Variants in PRUNE2 observed in about 807,000 individuals in gnomAD.
PRUNE2 encodes protein prune homolog 2.
A neutral mutation model predicts 252.0 loss-of-function variants in PRUNE2; 164 were observed. That is an observed-to-expected ratio of 0.65 (90% CI 0.57 to 0.74). The LOEUF (loss-of-function observed/expected upper bound fraction) is 0.74. PRUNE2 is among the 30% of genes least tolerant of loss of function. The probability of loss-of-function intolerance (pLI) is 0.00; values close to 1 mark genes in which losing one functional copy is unlikely to be tolerated. For missense variants in PRUNE2, 3,495 were observed against 3,711.0 expected (o/e 0.94, Z 1.51); for synonymous variants, 1,292 against 1,350.2 (o/e 0.96, Z 0.94).
chr9:76,755,992 C>T (rs1462980592), intron 6 of PRUNE2, among the ~76,000 whole-genome samples: 1 of 152,170 alleles, frequency 6.6e-6, no homozygotes, highest in Admixed American at 6.5e-5. Context: ...CGTGAGCCAC[C>T]GCGCCTGGCC....
At chr9:76,778,012 G>A (rs1310859157) in intron 6 of PRUNE2, among the ~76,000 whole-genome samples, 1 of 152,176 alleles carries the variant, frequency 6.6e-6, no homozygotes, top group African/African-American at 2.4e-5. Flanking sequence ...CAGTAGGTGA[G>A]GTTAGAGGGG....
intron 6 of PRUNE2, among the ~76,000 whole-genome samples, chr9:76,813,811 T>C (rs1474038990): frequency 2.6e-5 from 4 of 152,182 alleles, no homozygotes; most frequent in African/African-American, 7.2e-5. Flanking sequence ...GTGTATATCA[T>C]ATATATCCTT....
intron 6 of PRUNE2, among the ~76,000 whole-genome samples, chr9:76,734,883 C>A (rs538868113): frequency 1.3e-5 from 2 of 152,210 alleles, no homozygotes; most frequent in Admixed American, 6.5e-5. Context: ...CTCTGAGACA[C>A]GGAGATCTAG....
intron 6 of PRUNE2, among the ~76,000 whole-genome samples, chr9:76,819,870 T>C (rs2057933391): frequency 6.6e-6 from 1 of 152,206 alleles, no homozygotes; most frequent in Non-Finnish European, 1.5e-5. Context: ...ACTGCTTTAC[T>C]AGGGAGTAAA....
intron 9 of PRUNE2, among the ~76,000 whole-genome samples, chr9:76,682,367 T>TC (rs904748112): frequency 3.3e-5 from 5 of 149,902 alleles, no homozygotes; most frequent in African/African-American, 4.9e-5. Flanking sequence ...ATTAACTTTT[T>TC]TTTTTTTTTT....
intron 10 of PRUNE2, among the ~76,000 whole-genome samples, chr9:76,653,358 T>C (rs373880262): frequency 1.2e-3 from 183 of 152,226 alleles, no homozygotes; most frequent in Middle Eastern, 0.01. Flanking sequence ...TATAAAATGG[T>C]GTAGTGTTGA....
intron 6 of PRUNE2, among the ~76,000 whole-genome samples, chr9:76,736,288 A>T (rs2049067716): frequency 6.6e-6 from 1 of 152,204 alleles, no homozygotes; most frequent in South Asian, 2.1e-4. Context: ...AAGTAAAATC[A>T]GGCACAATGT....
At chr9:76,720,800 G>C (rs1321195162) in intron 6 of PRUNE2, among the ~76,000 whole-genome samples, 2 of 152,144 alleles carry the variant, frequency 1.3e-5, no homozygotes, top group East Asian at 3.8e-4. Context: ...AAAATTCTTA[G>C]ATGTGAGATG....
intron 9 of PRUNE2, among the ~76,000 whole-genome samples, chr9:76,661,861 T>G (rs931893462): frequency 6.6e-6 from 1 of 151,714 alleles, no homozygotes; most frequent in East Asian, 1.9e-4. Flanking sequence ...AGATCTGCAG[T>G]CAATAAAAAC....
chr9:76,780,435 C>A (rs576629509), intron 6 of PRUNE2, among the ~76,000 whole-genome samples: 4 of 152,116 alleles, frequency 2.6e-5, no homozygotes, highest in Non-Finnish European at 4.4e-5. Context: ...CGCCTGTAAT[C>A]CCAGCACTTT....
At chr9:76,865,470 A>G (rs1040248023) in intron 1 of PRUNE2, among the ~76,000 whole-genome samples, 2 of 152,244 alleles carry the variant, frequency 1.3e-5, no homozygotes, top group African/African-American at 4.8e-5. Context: ...TGTACAATGA[A>G]CAAGGGTTGG....
chr9:76,615,622 A>G (rs1829085166), intron 18 of PRUNE2, among the ~76,000 whole-genome samples: 1 of 152,196 alleles, frequency 6.6e-6, no homozygotes. Flanking sequence ...TATCTGTAAA[A>G]TGGAACGGTC....
rs546181752 is a variant in PRUNE2, at chr9:76,887,194, C to G, written c.36+18734G>C. 2.0e-5 allele frequency among the ~76,000 whole-genome samples: 3 copies of G among 152,270 alleles called. No individual in the cohort carries two copies. In the East Asian group the frequency reaches 5.8e-4, roughly 29 times the overall value. The stretch of plus-strand genomic sequence containing the variant: ...TCACCTAGCTTCCCCAAACTCCTAA[C>G]TTGGGACATAGATGCAGCCTGAAGT... On this transcript the variant is annotated intron_variant, in intron 1 of 18. Coordinates refer to ENST00000376718, the MANE Select transcript of PRUNE2 (RefSeq NM_015225.3).
At chr9:76,717,202 C>T (rs1308184535) in intron 6 of PRUNE2, among the ~76,000 whole-genome samples, 3 of 152,170 alleles carry the variant, frequency 2.0e-5, no homozygotes, top group Non-Finnish European at 4.4e-5. Flanking sequence ...AAGCCAGATT[C>T]GATCTTACTG....
Position 76,906,084 on chromosome 9 carries a change from C to A in PRUNE2, c.-121G>T. ...CCGGGGCGCAGCGACCGACTGCTCCCTCCTGCCGCTCTGAGGCGGCTGCGG... is the reference window on the plus strand; with the variant it reads ...CCGGGGCGCAGCGACCGACTGCTCCATCCTGCCGCTCTGAGGCGGCTGCGG... On this transcript the variant is annotated 5_prime_UTR_variant, in exon 1 of 19. In the 5' UTR this introduces an upstream ATG that the reference lacks. Coordinates refer to ENST00000376718, the MANE Select transcript of PRUNE2 (RefSeq NM_015225.3). The A allele has an allele frequency of 9.4e-7, 1 of 1,060,990 alleles. No individual in the cohort carries two copies. The highest frequency in any genetic ancestry group is 1.5e-6 in the Non-Finnish European group (1 of 689,210). The allele number at this position is 1,060,990 out of a possible 1,614,324, so 65.7% of individuals were successfully genotyped here. A position where few individuals can be genotyped will look rare whatever the true frequency, so the allele number is the denominator to read the frequency against.
intron 6 of PRUNE2, among the ~76,000 whole-genome samples, chr9:76,747,218 GT>G (rs2050205324): frequency 6.6e-6 from 1 of 152,164 alleles, no homozygotes; most frequent in Non-Finnish European, 1.5e-5. Context: ...AGGTGTTGTG[GT>G]GTCTAAGAGG....
chr9:76,869,832 A>G (rs1026030457), intron 1 of PRUNE2, among the ~76,000 whole-genome samples: 2 of 152,210 alleles, frequency 1.3e-5, no homozygotes. Flanking sequence ...AGCTGCTCAA[A>G]CATTTTCCTT....
Position 76,906,025 on chromosome 9 carries a change from A to G in PRUNE2, c.-62T>C. ...GGGCGCAGTGGAAAATCTCGGCCCAAGGAAGACGAGCGGGGTCCCGGGAAA... is the reference window on the plus strand; with the variant it reads ...GGGCGCAGTGGAAAATCTCGGCCCAGGGAAGACGAGCGGGGTCCCGGGAAA... On this transcript the variant is annotated 5_prime_UTR_variant, in exon 1 of 19. Coordinates refer to ENST00000376718, the MANE Select transcript of PRUNE2 (RefSeq NM_015225.3). 6.4e-7 allele frequency: 1 copy of G among 1,574,120 alleles called. No homozygotes were observed. The highest frequency in any genetic ancestry group is 1.7e-5 in the Admixed American group (1 of 59,926).
chr9:76,652,254 T>G (rs1847687529), intron 11 of PRUNE2: 1 of 466,764 alleles, frequency 2.1e-6, no homozygotes, highest in Non-Finnish European at 3.9e-6. Context: ...GCATAAATGC[T>G]AGCACAGAGT....
Sources: gnomAD v4.1 joint callset for allele counts (sites outside exome capture counted in the v4.1 genomes callset) on GRCh38, gnomAD v4.1.1 for gene constraint, MANE v1.5 for transcripts, NCBI Gene and HGNC (gene_info 2026-07-23, HGNC 2026-07-21) for gene names.